The following RANBP2 variants were observed in gnomAD, a reference collection of about 807,000 sequenced individuals.
RANBP2 encodes the protein E3 SUMO-protein ligase RanBP2.
In RANBP2, 57 loss-of-function variants were observed where a neutral mutation model predicts 303.6. The ratio of observed to expected loss-of-function variants is 0.19; its 90% CI spans 0.15 to 0.23. The LOEUF (loss-of-function observed/expected upper bound fraction) is 0.23. Ranked by LOEUF, RANBP2 falls within the 10% of genes least tolerant of loss-of-function variation. The pLI is 1.00. For missense variants in RANBP2, 3,138 were observed against 3,780.8 expected, an observed-to-expected ratio of 0.83 and a Z score of 4.46; for synonymous variants, 1,167 against 1,301.5, an observed-to-expected ratio of 0.90 and a Z score of 2.23.
At chr2:109,708,484 C>A in the RANBP2 span, among the ~76,000 whole-genome samples, 1 of 151,924 alleles carries the variant, frequency 6.6e-6, no homozygotes, top group Non-Finnish European at 1.5e-5. Context: ...ATGGCGAAAC[C>A]CCATCTCTAC....
the RANBP2 span, among the ~76,000 whole-genome samples, chr2:109,341,998 G>A: frequency 1.1e-4 from 16 of 152,320 alleles, no homozygotes; most frequent in East Asian, 2.9e-3. Flanking sequence ...GCAGTGCTTG[G>A]TGTGTATACA....
At chr2:108,868,888 GCCTA>G in the RANBP2 span, among the ~76,000 whole-genome samples, 1 of 151,996 alleles carries the variant, frequency 6.6e-6, no homozygotes, top group African/African-American at 2.4e-5. Context: ...TCCATGAAGT[GCCTA>G]CCTTTTGTGA....
the RANBP2 span, among the ~76,000 whole-genome samples, chr2:109,595,574 G>T: frequency 7.2e-5 from 11 of 152,096 alleles, no homozygotes; most frequent in African/African-American, 2.7e-4. Context: ...GATCACTGAA[G>T]GCAGGAGTCA....
chr2:109,536,054 G>GC, the RANBP2 span, among the ~76,000 whole-genome samples: 11 of 43,088 alleles, frequency 2.6e-4, no homozygotes, highest in Admixed American at 1.3e-3. Context: ...GGTGGGGGTG[G>GC]GGGGGGGGTC....
the RANBP2 span, among the ~76,000 whole-genome samples, chr2:109,367,128 T>C: frequency 5.4e-5 from 8 of 149,236 alleles, no homozygotes; most frequent in African/African-American, 2.0e-4. Context: ...AATTTTTTTT[T>C]TTTTTTTTTT....
the RANBP2 span, among the ~76,000 whole-genome samples, chr2:109,249,535 C>CT: frequency 1.0e-5 from 1 of 95,744 alleles, no homozygotes; most frequent in Non-Finnish European, 2.2e-5. Context: ...TTCTTTCTTT[C>CT]CTTCCTTCCT....
the RANBP2 span, among the ~76,000 whole-genome samples, chr2:109,601,362 T>A: frequency 6.6e-6 from 1 of 152,216 alleles, no homozygotes; most frequent in African/African-American, 2.4e-5. Flanking sequence ...AAATACATAT[T>A]TCACAATAAA....
At chr2:109,632,012 G>T in the RANBP2 span, among the ~76,000 whole-genome samples, 2 of 151,892 alleles carry the variant, frequency 1.3e-5, no homozygotes, top group African/African-American at 4.8e-5. Context: ...AAGAGAGGAG[G>T]GGGGTCTGGA....
downstream of RANBP2, among the ~76,000 whole-genome samples, chr2:108,786,373 G>T (rs569678287): frequency 1.3e-5 from 2 of 151,178 alleles, no homozygotes; most frequent in East Asian, 3.9e-4. Flanking sequence ...GGGACTACAC[G>T]CGCGCCACCA....
the RANBP2 span, among the ~76,000 whole-genome samples, chr2:108,926,590 T>C: frequency 6.6e-6 from 1 of 152,170 alleles, no homozygotes; most frequent in Non-Finnish European, 1.5e-5. Flanking sequence ...GTGGAGCTCC[T>C]CCGGGGTGAG....
the RANBP2 span, among the ~76,000 whole-genome samples, chr2:109,288,310 G>A: frequency 6.6e-6 from 1 of 152,238 alleles, no homozygotes; most frequent in African/African-American, 2.4e-5. Context: ...AGTTATTGCA[G>A]GCATGGAGTC....
chr2:108,729,033 G>T, intron 1 of RANBP2, 99 bp from the exon 2 acceptor site: 1 of 1,361,296 alleles, frequency 7.3e-7, no homozygotes, highest in Non-Finnish European at 9.9e-7. Context: ...TGAAAGTGGC[G>T]TATTTGAACA....
the RANBP2 span, among the ~76,000 whole-genome samples, chr2:109,625,593 G>C: frequency 6.6e-6 from 1 of 152,078 alleles, no homozygotes; most frequent in African/African-American, 2.4e-5. Context: ...TTGAACTCGG[G>C]AGGTGGAGGT....
At chr2:109,761,016 G>A in the RANBP2 span, among the ~76,000 whole-genome samples, 2 of 137,210 alleles carry the variant, frequency 1.5e-5, no homozygotes, top group African/African-American at 2.8e-5. Flanking sequence ...CCCAGGGACT[G>A]GTGATCTAGG....
At chr2:108,848,096 C>T in the RANBP2 span, among the ~76,000 whole-genome samples, 52 of 152,096 alleles carry the variant, frequency 3.4e-4, no homozygotes, top group Admixed American at 5.9e-4. Flanking sequence ...CACTAAAGAT[C>T]AAATAATATT....
the RANBP2 span, among the ~76,000 whole-genome samples, chr2:109,650,428 C>T: frequency 0.33 from 50,751 of 152,032 alleles, 9,079 homozygotes; most frequent in Middle Eastern, 0.47. Flanking sequence ...AGGGCCTGCC[C>T]GGGCAGAGCT....
At chr2:109,063,856 C>T in the RANBP2 span, among the ~76,000 whole-genome samples, 1 of 151,110 alleles carries the variant, frequency 6.6e-6, no homozygotes, top group Non-Finnish European at 1.5e-5. Flanking sequence ...TTTTTTTCCC[C>T]TTCCCATAAT....
chr2:109,727,873 A>G, the RANBP2 span, among the ~76,000 whole-genome samples: 2 of 152,264 alleles, frequency 1.3e-5, no homozygotes, highest in South Asian at 4.1e-4. Context: ...GATGTCTACA[A>G]TGTCTACAAC....
chr2:108,906,519 A>G, the RANBP2 span: 1 of 831,808 alleles, frequency 1.2e-6, no homozygotes, highest in Non-Finnish European at 2.0e-6. Flanking sequence ...GCCCTGACAC[A>G]CAGGGAGGAG....
Sources: gnomAD v4.1 joint callset for allele counts (sites outside exome capture counted in the v4.1 genomes callset) on GRCh38, gnomAD v4.1.1 for gene constraint, MANE v1.5 for transcripts, NCBI Gene and HGNC (gene_info 2026-07-23, HGNC 2026-07-21) for gene names.